MYH13: variants seen among roughly 807,000 people sequenced by gnomAD.
MYH13 encodes myosin heavy chain 13, also known as myosin-13.
Under a neutral mutation model 232.1 loss-of-function variants are expected in MYH13, and 177 were observed. That is an observed-to-expected ratio of 0.76 (90% confidence interval 0.67 to 0.86). MYH13 has a LOEUF of 0.86. Ranked by LOEUF, MYH13 falls within the 40% of genes least tolerant of loss-of-function variation. The probability of loss-of-function intolerance (pLI) is 0.00; values close to 1 mark genes in which losing one functional copy is unlikely to be tolerated. For synonymous variants in MYH13, 884 were observed against 923.5 expected (o/e 0.96, Z 0.78); for missense variants, 2,246 against 2,405.9 (o/e 0.93, Z 1.39).
chr17:10,338,980 C>T (rs188095755), intron 18 of MYH13, among the ~76,000 whole-genome samples: 117 of 152,296 alleles, frequency 7.7e-4, no homozygotes, highest in African/African-American at 2.7e-3. Context: ...GGATTACAGG[C>T]GTGAGCCACT....
chr17:10,346,833 A>C, intron 12 of MYH13, 35 bp from the exon 13 acceptor site: 1 of 1,512,826 alleles, frequency 6.6e-7, no homozygotes. Flanking sequence ...TCATGCAAAA[A>C]CAGTAGCTGC....
At position 10,320,183 on chromosome 17, in the gene MYH13, C is replaced by T. The variant is rs751848021; in HGVS notation, c.3318G>A (p.Leu1106=). The T allele has an allele frequency of 4.9e-5, 79 of 1,600,572 alleles. No homozygotes were observed. Among genetic ancestry groups the T allele is most frequent in the Non-Finnish European group, 6.5e-5 (76 of 1,173,034 alleles). Reference sequence around the variant, plus strand: ...GTTCTTTAATCTTCTTTTGAAACTGCAAACTGTGGACTTGTTCGTCATCTA... The same window carrying T: ...GTTCTTTAATCTTCTTTTGAAACTGTAAACTGTGGACTTGTTCGTCATCTA... ...AKIDDEQVHS[L]QFQKKIKELQ... Residue 1106 remains leucine (L), a synonymous_variant, in exon 26 of 41, where the codon TTG becomes TTA. Transcript: ENST00000252172.
At chr17:10,329,251 G>GCTCCCTCCCACACTCCCCT (rs1400387696) in intron 21 of MYH13, among the ~76,000 whole-genome samples, 2 of 152,100 alleles carry the variant, frequency 1.3e-5, no homozygotes, top group Admixed American at 1.3e-4. Flanking sequence ...GGGAGAACAG[G>GCTCCCTCCCACACTCCCCT]CTCCCTCCCA....
At chr17:10,340,706 A>G (rs1429789019) in intron 16 of MYH13, among the ~76,000 whole-genome samples, 4 of 151,948 alleles carry the variant, frequency 2.6e-5, no homozygotes, top group East Asian at 3.9e-4. Flanking sequence ...TTTAGTAGAG[A>G]TGAGATTTCA....
At chr17:10,308,522 C>A (rs940198241) in intron 35 of MYH13, among the ~76,000 whole-genome samples, 4 of 142,216 alleles carry the variant, frequency 2.8e-5, no homozygotes, top group African/African-American at 7.7e-5. Context: ...TGAGATCAAA[C>A]AATCCCAAAT....
At chr17:10,316,549 T>C (rs1174433366) in intron 27 of MYH13, among the ~76,000 whole-genome samples, 2 of 152,254 alleles carry the variant, frequency 1.3e-5, no homozygotes, top group African/African-American at 2.4e-5. Context: ...TATTTAATGA[T>C]TTGTAAACAA....
intron 15 of MYH13, among the ~76,000 whole-genome samples, 183 bp downstream of exon 15, chr17:10,345,019 C>T (rs1351574296): frequency 6.6e-6 from 1 of 152,086 alleles, no homozygotes; most frequent in East Asian, 1.9e-4. Flanking sequence ...ACCCGTAAAC[C>T]TCTTTAAGTG....
Position 10,344,839 on chromosome 17 carries a change from AAAAG to A in MYH13, c.1584+359_1584+362del, listed in dbSNP as rs1193183207. 4.0e-4 allele frequency among the ~76,000 whole-genome samples: 60 copies of A among 150,594 alleles called. 1 individual carries two copies. The highest frequency in any genetic ancestry group is 2.0e-3 in the East Asian group (10 of 5,046). On this transcript the variant is annotated intron_variant, in intron 15 of 40. Transcript: ENST00000252172. ...CCGTCTCAAAAAAAAAAAAAAAAAA[AAAAG>A]TTAATATCTATTCCTGTTTTCATAT...
intron 2 of MYH13, among the ~76,000 whole-genome samples, chr17:10,370,957 A>C (rs974427087): frequency 6.6e-6 from 1 of 152,168 alleles, no homozygotes; most frequent in African/African-American, 2.4e-5. Flanking sequence ...CTGTGTATTG[A>C]CTTGGAGCTT....
Position 10,345,325 on chromosome 17 carries a change from C to G in MYH13, c.1461G>C (p.Leu487=). The change falls in exon 15 of 41, where the codon CTG becomes CTC. Residue 487 remains leucine, a synonymous_variant. Coordinates refer to ENST00000252172, the MANE Select transcript of MYH13 (RefSeq NM_003802.3). Reference sequence around the variant, plus strand: ...ACATGTGGTGGTTGAAAAACTGTTGCAGTTTCTCATTGGTGAAGTTGATGC... The same window carrying G: ...ACATGTGGTGGTTGAAAAACTGTTGGAGTTTCTCATTGGTGAAGTTGATGC... ...QLCINFTNEK[L]QQFFNHHMFV... is the part of the protein sequence containing the mutation. The G allele has an allele frequency of 6.2e-7, 1 of 1,614,194 alleles. No individual in the cohort carries two copies. Among genetic ancestry groups the G allele is most frequent in the South Asian group, 1.1e-5 (1 of 91,088 alleles).
At position 10,340,310 on chromosome 17, in the gene MYH13, A is replaced by T; in HGVS notation, c.1968+18T>A. 1.2e-6 allele frequency: 2 copies of T among 1,613,868 alleles called. No individual in the cohort carries two copies. The highest frequency in any genetic ancestry group is 4.5e-5 in the East Asian group (2 of 44,886). ...GGGGAGAAAAACAAGTGAATATGGA[A>T]GCTGCCAAAACACCAACCCTGAACA... On this transcript the variant is annotated intron_variant, in intron 17 of 40. Transcript: ENST00000252172.
rs747666091 is a variant in MYH13 at position 10,318,858 on chromosome 17, C to G, written c.3670G>C (p.Glu1224Gln). ...LQRVKQKLEKEKSELKMEIDD... is the reference protein window; with the variant it reads ...LQRVKQKLEKQKSELKMEIDD... ...ATCTCCATCTTCAGCTCGCTCTTCTCCTTCTCCAGCTTCTGCTTCACCCGC... is the reference window on the plus strand; with the variant it reads ...ATCTCCATCTTCAGCTCGCTCTTCTGCTTCTCCAGCTTCTGCTTCACCCGC... The change falls in exon 27 of 41, where the codon GAG becomes CAG. Residue 1224 changes from glutamate to glutamine, a missense_variant. Coordinates refer to ENST00000252172, the MANE Select transcript of MYH13 (RefSeq NM_003802.3). 6.2e-7 allele frequency: 1 copy of G among 1,614,162 alleles called. No individual in the cohort carries two copies. Among genetic ancestry groups the G allele is most frequent in the Non-Finnish European group, 8.5e-7 (1 of 1,180,030 alleles).
At chr17:10,318,672 G>A in intron 27 of MYH13, 118 bp downstream of exon 27, 1 of 1,327,026 alleles carries the variant, frequency 7.5e-7, no homozygotes, top group Non-Finnish European at 1.0e-6. Flanking sequence ...CAGAAATAGG[G>A]AAGAGGGTTT....
chr17:10,334,310 T>G (rs1436349031), intron 18 of MYH13, among the ~76,000 whole-genome samples: 1 of 152,130 alleles, frequency 6.6e-6, no homozygotes, highest in African/African-American at 2.4e-5. Flanking sequence ...TGGGGAGACA[T>G]CACTATACAA....
chr17:10,333,769 G>A (rs1362056086), intron 18 of MYH13, among the ~76,000 whole-genome samples: 1 of 152,144 alleles, frequency 6.6e-6, no homozygotes, highest in African/African-American at 2.4e-5. Flanking sequence ...TTAGCCAGAT[G>A]TGGTGGCACA....
At position 10,301,596 on chromosome 17, in the gene MYH13, C is replaced by T. The variant is rs776964632; in HGVS notation, c.5775G>A (p.Arg1925=). The change falls in exon 40 of 41, where the codon AGG becomes AGA. Residue 1925 remains arginine, a synonymous_variant. Transcript: ENST00000252172. The part of the protein sequence containing the change: ...DIAESQVNKL[R]AKSRDVGSQK... ...GGCTGCCCACGTCTCGGCTCTTGGC[C>T]CTCAGCTTGTTGACCTGGGACTCAG... is the stretch of plus-strand genomic sequence containing the variant. 9.3e-6 allele frequency: 15 copies of T among 1,614,180 alleles called. No homozygotes were observed. The highest frequency in any genetic ancestry group is 1.1e-5 in the Non-Finnish European group (13 of 1,180,036).
chr17:10,357,514 G>T (rs1211044128), intron 8 of MYH13, among the ~76,000 whole-genome samples: 1 of 152,296 alleles, frequency 6.6e-6, no homozygotes, highest in African/African-American at 2.4e-5. Flanking sequence ...AGGTGACATT[G>T]CCTAGTTAGG....
intron 24 of MYH13, among the ~76,000 whole-genome samples, chr17:10,321,103 C>CG (rs1438851786): frequency 5.9e-5 from 9 of 152,076 alleles, no homozygotes; most frequent in Admixed American, 5.9e-4. Flanking sequence ...TGTCATGTGA[C>CG]GGGGGCAGAA....
At chr17:10,354,135 A>G (rs1328293918) in intron 11 of MYH13, among the ~76,000 whole-genome samples, 1 of 152,208 alleles carries the variant, frequency 6.6e-6, no homozygotes, top group Non-Finnish European at 1.5e-5. Context: ...GTAAGTGCTC[A>G]ATATATTTGG....
Sources: gnomAD v4.1 joint callset for allele counts (sites outside exome capture counted in the v4.1 genomes callset) on GRCh38, gnomAD v4.1.1 for gene constraint, MANE v1.5 for transcripts, NCBI Gene and HGNC (gene_info 2026-07-23, HGNC 2026-07-21) for gene names.